Variants in FBXO41 observed in about 807,000 individuals in gnomAD.
FBXO41 encodes the protein F-box only protein 41.
A neutral mutation model predicts 81.6 loss-of-function variants in FBXO41; 33 were observed. The ratio of observed to expected loss-of-function variants is 0.40; its 90% confidence interval spans 0.31 to 0.54. The LOEUF (loss-of-function observed/expected upper bound fraction) is 0.54, where lower values mean the gene tolerates loss of function less well. Among genes scored for constraint, FBXO41 ranks in the 20% least tolerant of loss-of-function variants. The pLI, the probability that FBXO41 is intolerant of heterozygous loss-of-function variation, is 0.39. For missense variants in FBXO41, 1,107 were observed against 1,236.0 expected (o/e 0.90, Z 1.56); for synonymous variants, 576 against 552.7 (o/e 1.04, Z -0.59).
chr2:73,268,879 G>A lies in FBXO41; in HGVS notation c.752C>T (p.Ala251Val), dbSNP rs1248257745. Reference sequence around the variant, plus strand: ...CCCGAGCCTCGCACTCTCCTGCCGCGCAGTCTCCAGTTCGGCCGCCTTGCG... The same window carrying A: ...CCCGAGCCTCGCACTCTCCTGCCGCACAGTCTCCAGTTCGGCCGCCTTGCG... Reference protein sequence around the residue: ...LERKAAELETARQESARLGRE... With the variant: ...LERKAAELETVRQESARLGRE... Residue 251 changes from alanine (A) to valine (V), a missense_variant, in exon 2 of 13, where the codon GCG becomes GTG. Ala to Val is a moderately conservative substitution (Grantham distance 64). Transcript: ENST00000520530. 1.3e-6 allele frequency: 2 copies of A among 1,559,780 alleles called. No individual in the cohort carries two copies. The highest frequency in any genetic ancestry group is 1.2e-5 in the South Asian group (1 of 84,704).
Position 73,269,060 on chromosome 2 carries a change from G to T in FBXO41, c.571C>A (p.Pro191Thr). The part of the protein sequence containing the change: ...PGPASASPAS[P>T]SPADVAYEEG... ...TCGTAGGCCACATCAGCGGGTGAGG[G>T]GGACGCGGGCGAAGCGGAGGCAGGC... The change falls in exon 2 of 13, where the codon CCC becomes ACC. Residue 191 changes from proline to threonine, a missense_variant. Pro to Thr is a conservative substitution (Grantham distance 38, BLOSUM62 -1). Transcript: ENST00000520530. The surrounding 1 kb of genome is among the most constrained non-coding windows in gnomAD (Gnocchi z 7.0). The T allele has an allele frequency of 6.6e-7, 1 of 1,525,636 alleles. No homozygotes were observed. The highest frequency in any genetic ancestry group is 8.8e-7 in the Non-Finnish European group (1 of 1,141,590). The allele number at this position is 1,525,636 out of a possible 1,614,324, so 94.5% of individuals were successfully genotyped here. A position where few individuals can be genotyped will look rare whatever the true frequency, so the allele number is the denominator to read the frequency against.
At chr2:73,263,124 TG>T in intron 9 of FBXO41, 88 bp downstream of exon 9, 1 of 1,005,224 alleles carries the variant, frequency 9.9e-7, no homozygotes, top group African/African-American at 1.6e-5. Context: ...TAATAGCTTG[TG>T]GAATGGGCTC....
intron 1 of FBXO41, among the ~76,000 whole-genome samples, chr2:73,270,148 G>A (rs1374383624): frequency 6.6e-6 from 1 of 152,178 alleles, no homozygotes. Context: ...CCAATATTAT[G>A]TTGCATGAAA....
rs1031954218 is a variant in FBXO41 at position 73,255,694 on chromosome 2, T to C, written c.*3288A>G. Reference sequence around the variant, plus strand: ...CGCCTTAGAGGGATTGGGGCCCGGGTGACTCCCCACTGGTGGCCCCAAAGA... The same window carrying C: ...CGCCTTAGAGGGATTGGGGCCCGGGCGACTCCCCACTGGTGGCCCCAAAGA... On this transcript the variant is annotated 3_prime_UTR_variant, in exon 13 of 13. Transcript: ENST00000520530. The C allele has an allele frequency of 6.6e-6, 1 of 152,574 alleles. No individual in the cohort carries two copies. Among genetic ancestry groups the C allele is most frequent in the Admixed American group, 6.5e-5 (1 of 15,276 alleles). 9.5% of individuals were successfully genotyped at this position (152,574 alleles called of 1,614,324 possible).
chr2:73,270,130 G>A (rs1688447312), intron 1 of FBXO41, among the ~76,000 whole-genome samples: 1 of 152,178 alleles, frequency 6.6e-6, no homozygotes, highest in Non-Finnish European at 1.5e-5. Context: ...TGACATGGAT[G>A]AGTCCATCCA....
At position 73,259,046 on chromosome 2, in the gene FBXO41, T is replaced by A; in HGVS notation, c.2566-2A>T. 6.2e-7 allele frequency: 1 copy of A among 1,603,666 alleles called. No individual in the cohort carries two copies. The highest frequency in any genetic ancestry group is 2.3e-5 in the East Asian group (1 of 44,332). ...GAAGCCGGGCCTCCGTCGCAGAGCC[T>A]GCGGACCGAACCCTGGGTTAGTTCT... On this transcript the variant is annotated splice_acceptor_variant, in intron 12 of 12. Coordinates refer to ENST00000520530, the MANE Select transcript of FBXO41 (RefSeq NM_001371389.2). LOFTEE classifies it high-confidence loss of function. The surrounding 1 kb of genome is among the most constrained non-coding windows in gnomAD (Gnocchi z 4.2).
intron 1 of FBXO41, among the ~76,000 whole-genome samples, chr2:73,277,760 T>C (rs556039270): frequency 6.6e-6 from 1 of 152,334 alleles, no homozygotes; most frequent in Non-Finnish European, 1.5e-5. Flanking sequence ...TTCTCACACA[T>C]TGGCTTTGCC....
In FBXO41 at chr2:73,260,410, TA is replaced by T; in HGVS notation, c.2427del (p.Lys810ArgfsTer42). The T allele has an allele frequency of 6.2e-7, 1 of 1,612,862 alleles. No individual in the cohort carries two copies. The highest frequency in any genetic ancestry group is 8.5e-7 in the Non-Finnish European group (1 of 1,179,508). Reference protein sequence around the residue: ...MLVLTATPVTPKALLHFNSIC... With the variant: ...MLVLTATPVTXKALLHFNSIC... Reference sequence around the variant, plus strand: ...TCACTGTTGAAGTGCAGTAGGGCCTTAGGGGTGACGGGAGTCGCCGTGAGCA... The same window carrying T: ...TCACTGTTGAAGTGCAGTAGGGCCTTGGGGTGACGGGAGTCGCCGTGAGCA... On this transcript the variant is annotated frameshift_variant, in exon 11 of 13. Transcript: ENST00000520530. LOFTEE classifies it high-confidence loss of function. The surrounding 1 kb of genome is among the most constrained non-coding windows in gnomAD (Gnocchi z 5.0).
intron 6 of FBXO41, 50 bp downstream of exon 6, chr2:73,264,228 G>A (rs752517495): frequency 1.1e-5 from 18 of 1,610,108 alleles, no homozygotes; most frequent in Non-Finnish European, 1.4e-5. Context: ...TCTACCCAGG[G>A]GGAAAGGTGG....
Position 73,269,598 on chromosome 2 carries a change from G to T in FBXO41, c.33C>A (p.Pro11=). ...GGAAGCGCTTGTGCTCCCCGCAGCGGGGGCAGCGGTACGGCAGGTCCAGCG... is the reference window on the plus strand; with the variant it reads ...GGAAGCGCTTGTGCTCCCCGCAGCGTGGGCAGCGGTACGGCAGGTCCAGCG... The part of the protein sequence containing the change: MASLDLPYRC[P]RCGEHKRFRS... The change falls in exon 2 of 13, where the codon CCC becomes CCA. Residue 11 remains proline (P), a synonymous_variant. Coordinates refer to ENST00000520530, the MANE Select transcript of FBXO41 (RefSeq NM_001371389.2). This position sits in a 1 kb window ranked among gnomAD's most constrained non-coding sequence, Gnocchi z 7.0. 3.0e-6 allele frequency: 4 copies of T among 1,312,364 alleles called. No homozygotes were observed. The highest frequency in any genetic ancestry group is 1.7e-5 in the South Asian group (1 of 58,672). The allele number at this position is 1,312,364 out of a possible 1,614,324, so 81.3% of individuals were successfully genotyped here.
At position 73,268,721 on chromosome 2, in the gene FBXO41, C is replaced by T; in HGVS notation, c.905+5G>A. 6.5e-7 allele frequency: 1 copy of T among 1,530,160 alleles called. No homozygotes were observed. The highest frequency in any genetic ancestry group is 1.3e-5 in the South Asian group (1 of 78,352). The allele number at this position is 1,530,160 out of a possible 1,614,324, so 94.8% of individuals were successfully genotyped here. On this transcript the variant is annotated splice_donor_5th_base_variant and intron_variant, in intron 2 of 12. Transcript: ENST00000520530. ...CCACTCACAGGGCCCCGAGGGTCTACTCACTGCTGCTTGCGGCTCAGCTCC... is the reference window on the plus strand; with the variant it reads ...CCACTCACAGGGCCCCGAGGGTCTATTCACTGCTGCTTGCGGCTCAGCTCC...
At chr2:73,262,304 G>A (rs1558580631) in intron 9 of FBXO41, among the ~76,000 whole-genome samples, 1 of 152,162 alleles carries the variant, frequency 6.6e-6, no homozygotes, top group Non-Finnish European at 1.5e-5. Flanking sequence ...GGGGATTGAG[G>A]CAGGGGAGCA....
chr2:73,270,078 G>A (rs1688445231), intron 1 of FBXO41, among the ~76,000 whole-genome samples: 1 of 152,174 alleles, frequency 6.6e-6, no homozygotes, highest in Non-Finnish European at 1.5e-5. Flanking sequence ...TATTCATGAT[G>A]GAATCTACCC....
At chr2:73,276,391 G>A (rs1182282186) in intron 1 of FBXO41, among the ~76,000 whole-genome samples, 2 of 151,616 alleles carry the variant, frequency 1.3e-5, no homozygotes, top group African/African-American at 4.9e-5. Context: ...TGGGCAACAA[G>A]AGCAAAACTC....
chr2:73,275,978 G>A (rs545473660), intron 1 of FBXO41, among the ~76,000 whole-genome samples: 1 of 151,238 alleles, frequency 6.6e-6, no homozygotes, highest in Admixed American at 6.6e-5. Flanking sequence ...GTAGAGGGGG[G>A]TTTCACCATG....
chr2:73,264,574 G>T, intron 5 of FBXO41, 55 bp from the exon 6 acceptor site: 1 of 1,603,386 alleles, frequency 6.2e-7, no homozygotes. Flanking sequence ...CTGGTGTGGG[G>T]ATGTGTGTGG....
At position 73,266,516 on chromosome 2, in the gene FBXO41, G is replaced by C. The variant is rs772690981; in HGVS notation, c.1072C>G (p.Leu358Val). 1.2e-6 allele frequency: 2 copies of C among 1,601,388 alleles called. No homozygotes were observed. The highest frequency in any genetic ancestry group is 8.5e-7 in the Non-Finnish European group (1 of 1,175,216). ...SSCGSTPSASLGRGGGGGGAG... is the reference protein window; with the variant it reads ...SSCGSTPSASVGRGGGGGGAG... ...CCACCGCCCCCACCTCCACGGCCCA[G>C]GCTGGCGCTGGGCGTGCTGCCACAG... The change falls in exon 3 of 13, where the codon CTG becomes GTG. Residue 358 changes from leucine to valine, a missense_variant. Physicochemically the swap from Leu to Val is conservative, Grantham distance 32. This residue lies in a region of FBXO41 where 771 missense variants were observed against 789.2 expected (regional missense o/e 0.98). Transcript: ENST00000520530. The surrounding 1 kb of genome is among the most constrained non-coding windows in gnomAD (Gnocchi z 5.3).
intron 2 of FBXO41, among the ~76,000 whole-genome samples, chr2:73,267,785 C>G (rs1278409007): frequency 6.6e-6 from 1 of 152,142 alleles, no homozygotes; most frequent in Non-Finnish European, 1.5e-5. Context: ...TATTAGCCTA[C>G]AGTTGGACAA....
Position 73,269,340 on chromosome 2 carries a change from C to T in FBXO41, c.291G>A (p.Gly97=). ...TSFQGKEQAA[G]PSPAAPHLLH... is the part of the protein sequence containing the mutation. ...GCAGGTGCGGCGCCGCGGGCGACGG[C>T]CCGGCCGCCTGCTCCTTGCCCTGGA... The change falls in exon 2 of 13, where the codon GGG becomes GGA. Residue 97 remains glycine (G), a synonymous_variant. Transcript: ENST00000520530. The surrounding 1 kb of genome is among the most constrained non-coding windows in gnomAD (Gnocchi z 7.0). The T allele has an allele frequency of 6.6e-7, 1 of 1,519,638 alleles. No homozygotes were observed. Among genetic ancestry groups the T allele is most frequent in the Non-Finnish European group, 8.8e-7 (1 of 1,134,918 alleles). The allele number at this position is 1,519,638 out of a possible 1,614,324, so 94.1% of individuals were successfully genotyped here. A position where few individuals can be genotyped will look rare whatever the true frequency, so the allele number is the denominator to read the frequency against.
Sources: allele counts gnomAD v4.1 joint callset (sites outside exome capture counted in the v4.1 genomes callset), GRCh38; gene constraint gnomAD v4.1.1; regional missense constraint gnomAD v4.1.1; non-coding constraint Gnocchi (gnomAD v3.1); transcripts MANE v1.5; gene names NCBI Gene and HGNC (gene_info 2026-07-23, HGNC 2026-07-21).